The following SCHIP1 variants were observed in gnomAD, a reference collection of about 807,000 sequenced individuals.
SCHIP1 encodes the protein schwannomin interacting protein 1.
A neutral mutation model predicts 29.7 loss-of-function variants in SCHIP1; 8 were observed. That is an observed-to-expected ratio of 0.27 (90% confidence interval 0.16 to 0.49). The LOEUF is 0.49. SCHIP1 is among the 20% of genes least tolerant of loss of function. SCHIP1 has a pLI of 0.99. For missense variants in SCHIP1, 193 were observed against 294.6 expected, an observed-to-expected ratio of 0.66 and a Z score of 2.52; for synonymous variants, 76 against 94.9, an observed-to-expected ratio of 0.80 and a Z score of 1.16.
the SCHIP1 span, among the ~76,000 whole-genome samples, chr3:159,756,712 T>A: frequency 4.0e-4 from 61 of 152,362 alleles, no homozygotes; most frequent in East Asian, 7.7e-3. Flanking sequence ...CTGTTTCCCT[T>A]TTAAAACGTA....
chr3:159,332,516 T>A, the SCHIP1 span, among the ~76,000 whole-genome samples: 1 of 152,234 alleles, frequency 6.6e-6, no homozygotes, highest in Non-Finnish European at 1.5e-5. Context: ...ATCTTTTTAT[T>A]TTTCTAGAAA....
At chr3:159,423,387 G>A in the SCHIP1 span, among the ~76,000 whole-genome samples, 1 of 152,282 alleles carries the variant, frequency 6.6e-6, no homozygotes, top group African/African-American at 2.4e-5. Flanking sequence ...CTTAAAAAAC[G>A]GCACACCAGG....
chr3:159,647,078 G>A, the SCHIP1 span, among the ~76,000 whole-genome samples: 6 of 152,056 alleles, frequency 3.9e-5, no homozygotes, highest in Admixed American at 3.9e-4. Flanking sequence ...TACATAAAGA[G>A]TGTTAAGGGA....
At chr3:159,396,677 T>G in the SCHIP1 span, among the ~76,000 whole-genome samples, 1,005 of 152,358 alleles carry the variant, frequency 6.6e-3, 10 homozygotes, top group South Asian at 0.033. Flanking sequence ...GTAGAGTTTC[T>G]GCTGAGAGAT....
chr3:159,629,828 G>A, the SCHIP1 span, among the ~76,000 whole-genome samples: 1 of 152,154 alleles, frequency 6.6e-6, no homozygotes, highest in East Asian at 1.9e-4. Flanking sequence ...ATCCTTGACA[G>A]GCACTGAGAA....
At chr3:159,847,397 A>G (rs971570425) in intron 1 of SCHIP1, among the ~76,000 whole-genome samples, 1 of 152,208 alleles carries the variant, frequency 6.6e-6, no homozygotes, top group Non-Finnish European at 1.5e-5. Context: ...ATCTTGGTGT[A>G]CTTAGTATTC....
the SCHIP1 span, among the ~76,000 whole-genome samples, chr3:159,814,748 C>A: frequency 6.6e-6 from 1 of 152,156 alleles, no homozygotes; most frequent in Non-Finnish European, 1.5e-5. Context: ...TGAATTGGGC[C>A]CTGAAGCTGG....
At chr3:159,491,830 C>T in the SCHIP1 span, among the ~76,000 whole-genome samples, 1 of 152,242 alleles carries the variant, frequency 6.6e-6, no homozygotes, top group East Asian at 1.9e-4. Flanking sequence ...CCCCAAGTAG[C>T]CTAACTGGGA....
Position 159,886,406 on chromosome 3 carries a change from G to A in SCHIP1, c.267+82G>A, listed in dbSNP as rs866219176. The stretch of plus-strand genomic sequence containing the variant: ...TTCTTTTCTGTTGTAAGGTGAATCA[G>A]GAACAAACATTTCAGAGATTAAAGA... On this transcript the variant is annotated intron_variant, in intron 3 of 6. Transcript: ENST00000445224. 7.2e-6 allele frequency: 9 copies of A among 1,256,860 alleles called. No individual in the cohort carries two copies. In the Middle Eastern group the frequency reaches 1.0e-3, roughly 146 times the overall value. The allele number at this position is 1,256,860 out of a possible 1,614,324, so 77.9% of individuals were successfully genotyped here. A position where few individuals can be genotyped will look rare whatever the true frequency, so the allele number is the denominator to read the frequency against.
the SCHIP1 span, among the ~76,000 whole-genome samples, chr3:159,560,828 G>T: frequency 1.3e-5 from 2 of 152,154 alleles, no homozygotes; most frequent in African/African-American, 4.8e-5. Context: ...TGCTCATGGG[G>T]TGCTCCGAGC....
rs936177337 is a variant in SCHIP1, at chr3:159,888,879, C to T, written c.525C>T (p.Asp175=). 10 of 1,614,070 alleles carry T rather than the reference C, an allele frequency of 6.2e-6. No homozygotes were observed. In the South Asian group the frequency reaches 7.7e-5, roughly 12 times the overall value. ...TGAAAAGAAGTTTAAAACCCACCGA[C>T]CTGAGAGACATGACTATTGGGCAGC... Residue 175 remains aspartate, a synonymous_variant, in exon 5 of 7, where the codon GAC becomes GAT. Coordinates refer to ENST00000445224, the Ensembl canonical transcript of SCHIP1.
At chr3:159,568,204 T>C in the SCHIP1 span, among the ~76,000 whole-genome samples, 1 of 152,124 alleles carries the variant, frequency 6.6e-6, no homozygotes, top group African/African-American at 2.4e-5. Flanking sequence ...CTATAGATGC[T>C]CTTGGGTTTT....
At chr3:159,782,062 T>G in the SCHIP1 span, among the ~76,000 whole-genome samples, 1 of 152,270 alleles carries the variant, frequency 6.6e-6, no homozygotes, top group African/African-American at 2.4e-5. Context: ...GCAACACACC[T>G]GGAGAGCTCT....
the SCHIP1 span, among the ~76,000 whole-genome samples, chr3:159,554,655 C>T: frequency 6.6e-6 from 1 of 152,120 alleles, no homozygotes; most frequent in Admixed American, 6.5e-5. Flanking sequence ...GGTAGATTCA[C>T]TATGGTTCTA....
chr3:159,531,845 G>C, the SCHIP1 span, among the ~76,000 whole-genome samples: 1 of 152,094 alleles, frequency 6.6e-6, no homozygotes, highest in African/African-American at 2.4e-5. Context: ...ACCAAAGAGA[G>C]AATTAATGAG....
At chr3:159,639,021 T>A in the SCHIP1 span, among the ~76,000 whole-genome samples, 1 of 152,146 alleles carries the variant, frequency 6.6e-6, no homozygotes, top group Non-Finnish European at 1.5e-5. Context: ...ATTTATCTAT[T>A]CTTCTTTAAT....
At chr3:159,856,118 G>T (rs754647813) in intron 1 of SCHIP1, among the ~76,000 whole-genome samples, 1 of 152,176 alleles carries the variant, frequency 6.6e-6, no homozygotes, top group Non-Finnish European at 1.5e-5. Context: ...AGCAAGTTCT[G>T]ATCCCCTGAT....
At chr3:159,413,543 G>A in the SCHIP1 span, among the ~76,000 whole-genome samples, 18 of 152,114 alleles carry the variant, frequency 1.2e-4, no homozygotes, top group Admixed American at 2.0e-4. Flanking sequence ...AGGAGCTGGG[G>A]ATGAGTGGTA....
At chr3:159,833,451 A>T in the SCHIP1 span, among the ~76,000 whole-genome samples, 1,975 of 152,198 alleles carry the variant, frequency 0.013, 100 homozygotes, top group South Asian at 0.15. Context: ...GACCCTTGTG[A>T]TTATTACATT....
Sources: gnomAD v4.1 joint callset for allele counts (sites outside exome capture counted in the v4.1 genomes callset) on GRCh38, gnomAD v4.1.1 for gene constraint, MANE v1.5 for transcripts, NCBI Gene and HGNC (gene_info 2026-07-23, HGNC 2026-07-21) for gene names.